Variants in FOXP1 observed in about 807,000 individuals in gnomAD.
FOXP1 encodes the protein forkhead box P1, also known as forkhead box protein P1.
In FOXP1, 15 loss-of-function variants were observed where a neutral mutation model predicts 98.2. That is an observed-to-expected ratio of 0.15 (90% confidence interval 0.10 to 0.24). FOXP1 has a LOEUF of 0.24. Among genes scored for constraint, FOXP1 ranks in the 10% least tolerant of loss-of-function variants. FOXP1 has a pLI of 1.00. For synonymous variants in FOXP1, 371 were observed against 314.5 expected (o/e 1.18, Z -1.90); for missense variants, 633 against 848.5 (o/e 0.75, Z 3.15).
chr3:71,104,023 T>C (rs1384299096), intron 7 of FOXP1, among the ~76,000 whole-genome samples: 1 of 152,074 alleles, frequency 6.6e-6, no homozygotes, highest in Non-Finnish European at 1.5e-5. Flanking sequence ...GGTTCTGAGA[T>C]TTTGCTCAGA....
chr3:71,230,118 G>C (rs919941517), intron 5 of FOXP1, among the ~76,000 whole-genome samples: 3 of 150,116 alleles, frequency 2.0e-5, no homozygotes, highest in African/African-American at 7.3e-5. Flanking sequence ...CACCACTGGG[G>C]AGGGGTGGGT....
At chr3:71,078,219 A>G (rs969599153) in intron 7 of FOXP1, among the ~76,000 whole-genome samples, 1 of 152,192 alleles carries the variant, frequency 6.6e-6, no homozygotes, top group Non-Finnish European at 1.5e-5. Context: ...CGTTTCACAT[A>G]GTGTTAAGGA....
intron 3 of FOXP1, among the ~76,000 whole-genome samples, chr3:71,465,561 C>T (rs2088620093): frequency 1.3e-5 from 2 of 152,126 alleles, no homozygotes; most frequent in Non-Finnish European, 2.9e-5. Context: ...CTCTGTTTTA[C>T]ATCACTGAAG....
chr3:71,462,572 C>A (rs2088247327), intron 3 of FOXP1, among the ~76,000 whole-genome samples: 1 of 152,044 alleles, frequency 6.6e-6, no homozygotes, highest in Admixed American at 6.5e-5. Context: ...AAGTGAGAAC[C>A]CATTCGTGTA....
chr3:71,455,302 A>G (rs753104722), intron 3 of FOXP1, among the ~76,000 whole-genome samples: 11 of 152,138 alleles, frequency 7.2e-5, no homozygotes, highest in Non-Finnish European at 1.2e-4. Context: ...CTTCAAACAA[A>G]AACAGACCAG....
intron 18 of FOXP1, chr3:70,971,542 G>A (rs1410454014): frequency 6.5e-6 from 1 of 153,938 alleles, no homozygotes; most frequent in East Asian, 1.9e-4. Flanking sequence ...ATTTATCAGT[G>A]GTCTTTAAAG....
chr3:71,541,881 G>C, intron 2 of FOXP1: 1 of 458,606 alleles, frequency 2.2e-6, no homozygotes, highest in Non-Finnish European at 4.4e-6. Context: ...AGACGGTCTT[G>C]CCTAGTTTTT....
chr3:71,273,204 G>C (rs2070556453), intron 5 of FOXP1, among the ~76,000 whole-genome samples: 1 of 152,212 alleles, frequency 6.6e-6, no homozygotes, highest in Non-Finnish European at 1.5e-5. Flanking sequence ...TCAGTTCTGT[G>C]TGAATTCAAG....
chr3:70,962,482 G>T (rs1223575543), intron 20 of FOXP1, among the ~76,000 whole-genome samples: 1 of 152,302 alleles, frequency 6.6e-6, no homozygotes, highest in South Asian at 2.1e-4. Context: ...AGCATTATTT[G>T]TGAAAAATAT....
intron 4 of FOXP1, chr3:71,334,528 T>C (rs2076552514): frequency 6.6e-6 from 1 of 152,164 alleles, no homozygotes; most frequent in African/African-American, 2.4e-5. Flanking sequence ...TGAAACTACA[T>C]ATTGCAAAAG....
intron 5 of FOXP1, among the ~76,000 whole-genome samples, chr3:71,225,671 A>T (rs1409111528): frequency 1.3e-5 from 2 of 152,222 alleles, no homozygotes; most frequent in African/African-American, 4.8e-5. Context: ...CTTGCCAGAA[A>T]TAGCTAGCGA....
In FOXP1 at chr3:71,250,799, C is replaced by T. The variant is rs941789138; in HGVS notation, c.-12+49021G>A. On this transcript the variant is annotated intron_variant, in intron 5 of 20. Coordinates refer to ENST00000649528, the MANE Select transcript of FOXP1 (RefSeq NM_001349338.3). ...ACAAAAAATTAGCTAGGCATGGTGG[C>T]GCACGCCTGTAATCCCAGCTACTCA... 1.5e-4 allele frequency among the ~76,000 whole-genome samples: 23 copies of T among 152,116 alleles called. No individual in the cohort carries two copies. The East Asian group carries it at 2.1e-3, about 14-fold the overall frequency.
At chr3:71,409,131 T>A (rs2082547919) in intron 3 of FOXP1, among the ~76,000 whole-genome samples, 1 of 152,198 alleles carries the variant, frequency 6.6e-6, no homozygotes, top group East Asian at 1.9e-4. Flanking sequence ...GGAATGGTCT[T>A]CCCTCAAATA....
At chr3:71,337,330 A>G (rs1316186976) in intron 4 of FOXP1, among the ~76,000 whole-genome samples, 2 of 152,204 alleles carry the variant, frequency 1.3e-5, no homozygotes, top group Non-Finnish European at 2.9e-5. Flanking sequence ...TAAAACGGAA[A>G]TTTAAAATTA....
intron 13 of FOXP1, among the ~76,000 whole-genome samples, chr3:70,997,037 C>T (rs1339373219): frequency 2.0e-5 from 3 of 152,208 alleles, no homozygotes; most frequent in Admixed American, 6.5e-5. Context: ...CACTGAGATA[C>T]TTGGAGGTTC....
chr3:71,169,285 C>CA (rs1474572418), intron 6 of FOXP1, among the ~76,000 whole-genome samples: 48 of 152,162 alleles, frequency 3.2e-4, no homozygotes. Flanking sequence ...GTCTTCTAAA[C>CA]AACTCCGTTA....
chr3:71,575,479 A>T (rs912842430), intron 2 of FOXP1, among the ~76,000 whole-genome samples: 21 of 152,196 alleles, frequency 1.4e-4, no homozygotes, highest in Admixed American at 4.6e-4. Flanking sequence ...ACACAGATAC[A>T]GAGGTAGGTG....
intron 5 of FOXP1, among the ~76,000 whole-genome samples, chr3:71,295,918 T>A (rs2073240626): frequency 6.6e-6 from 1 of 152,200 alleles, no homozygotes; most frequent in African/African-American, 2.4e-5. Context: ...CTATTTATCA[T>A]CAACGGGACC....
chr3:71,106,604 G>A (rs2057448409), intron 7 of FOXP1, among the ~76,000 whole-genome samples: 2 of 151,342 alleles, frequency 1.3e-5, no homozygotes, highest in Non-Finnish European at 2.9e-5. Flanking sequence ...GGTTATAGGC[G>A]TGAGCCATTG....
Sources: gnomAD v4.1 joint callset for allele counts (sites outside exome capture counted in the v4.1 genomes callset) on GRCh38, gnomAD v4.1.1 for gene constraint, MANE v1.5 for transcripts, NCBI Gene and HGNC (gene_info 2026-07-23, HGNC 2026-07-21) for gene names.